SPTB: variants seen among roughly 807,000 people sequenced by gnomAD.
The protein encoded by SPTB is spectrin beta chain, erythrocytic.
A neutral mutation model predicts 256.2 loss-of-function variants in SPTB; 45 were observed. The observed-to-expected ratio is 0.18, with a 90% CI of 0.14 to 0.23. The LOEUF (loss-of-function observed/expected upper bound fraction) is 0.23, where lower values mean the gene tolerates loss of function less well. Ranked by LOEUF, SPTB falls within the 10% of genes least tolerant of loss-of-function variation. The probability of loss-of-function intolerance (pLI) is 1.00; values close to 1 mark genes in which losing one functional copy is unlikely to be tolerated. For missense variants in SPTB, 2,715 were observed against 3,040.4 expected, an observed-to-expected ratio of 0.89 and a Z score of 2.52; for synonymous variants, 1,231 against 1,243.1, an observed-to-expected ratio of 0.99 and a Z score of 0.21.
chr14:64,877,317 ATTAC>A (rs1332552268), intron 1 of SPTB, among the ~76,000 whole-genome samples: 1 of 152,174 alleles, frequency 6.6e-6, no homozygotes, highest in Non-Finnish European at 1.5e-5. Flanking sequence ...AAGCAGAACT[ATTAC>A]CTGAGGTCCT....
In SPTB at chr14:64,839,206, A is replaced by G. The variant is rs539925795; in HGVS notation, c.-51-16061T>C. 4.6e-5 allele frequency among the ~76,000 whole-genome samples: 7 copies of G among 152,282 alleles called. No homozygotes were observed. The South Asian group carries it at 1.4e-3, about 32-fold the overall frequency. ...ACTAAAAATTGGAAACAATAGATAA[A>G]CCGATTGTGGTACACTTACAAAACG... On this transcript the variant is annotated intron_variant, in intron 1 of 35. Coordinates refer to ENST00000644917, the MANE Select transcript of SPTB (RefSeq NM_001355436.2).
At chr14:64,870,353 C>T (rs1882456840) in intron 1 of SPTB, among the ~76,000 whole-genome samples, 1 of 152,024 alleles carries the variant, frequency 6.6e-6, no homozygotes, top group South Asian at 2.1e-4. Context: ...GTTCTTCACC[C>T]AAGGGCAAAC....
At chr14:64,787,829 A>G (rs2082600933) in intron 15 of SPTB, among the ~76,000 whole-genome samples, 1 of 152,238 alleles carries the variant, frequency 6.6e-6, no homozygotes, top group East Asian at 1.9e-4. Context: ...AGTCTGCAGT[A>G]CACGATAAGC....
rs1394458962 is a variant in SPTB at position 64,841,920 on chromosome 14, T to C, written c.-51-18775A>G. 1.3e-5 allele frequency among the ~76,000 whole-genome samples: 2 copies of C among 152,210 alleles called. No homozygotes were observed. The highest frequency in any genetic ancestry group is 2.9e-5 in the Non-Finnish European group (2 of 68,034). ...CTGTTAAAGAGCGCGGCAAATGTTA[T>C]CTGGAAGCAGCCGGGACAAGAGCAC... On this transcript the variant is annotated intron_variant, in intron 1 of 35. Transcript: ENST00000644917. The surrounding 1 kb of genome is among the most constrained non-coding windows in gnomAD (Gnocchi z 4.6).
At chr14:64,810,594 C>G (rs1382330448) in intron 2 of SPTB, among the ~76,000 whole-genome samples, 1 of 152,064 alleles carries the variant, frequency 6.6e-6, no homozygotes, top group Non-Finnish European at 1.5e-5. Context: ...GCATGAGAAT[C>G]GCTTGAACTT....
At position 64,877,030 on chromosome 14, in the gene SPTB, C is replaced by A. The variant is rs1022306344; in HGVS notation, c.-52+2762G>T. On this transcript the variant is annotated intron_variant, in intron 1 of 35. Coordinates refer to ENST00000644917, the MANE Select transcript of SPTB (RefSeq NM_001355436.2). ...GTTCAGTGACCTCCAGAATCCCTTC[C>A]CTCTCCAATAGTGTTTGCCTCATGA... Among the ~76,000 whole-genome samples the A allele has an allele frequency of 7.9e-5, 12 of 152,176 alleles. No individual in the cohort carries two copies. The South Asian group carries it at 2.1e-3, about 26-fold the overall frequency.
chr14:64,802,030 T>G lies in SPTB; in HGVS notation c.566+196A>C, dbSNP rs34998268. On this transcript the variant is annotated intron_variant, in intron 5 of 35. Transcript: ENST00000644917. This position sits in a 1 kb window ranked among gnomAD's most constrained non-coding sequence, Gnocchi z 5.1. ...TGAACACCACACAGACCCCCCAGTC[T>G]GCCTGCAGGCAACTTTGGAAAAGAA... Among the ~76,000 whole-genome samples, 1 of 152,224 alleles carries G rather than the reference T, an allele frequency of 6.6e-6. No homozygotes were observed. Among genetic ancestry groups the G allele is most frequent in the South Asian group, 2.1e-4 (1 of 4,826 alleles).
intron 9 of SPTB, among the ~76,000 whole-genome samples, chr14:64,799,210 T>A (rs1484163333): frequency 1.3e-5 from 2 of 152,240 alleles, no homozygotes; most frequent in Non-Finnish European, 2.9e-5. Flanking sequence ...GTTGTTTGCA[T>A]GCACATGTGT....
At chr14:64,781,958 G>A (rs1282843891) in intron 20 of SPTB, among the ~76,000 whole-genome samples, 1 of 152,210 alleles carries the variant, frequency 6.6e-6, no homozygotes, top group Non-Finnish European at 1.5e-5. Flanking sequence ...GCAAACTGAT[G>A]CAGAAACAGA....
chr14:64,810,926 G>A lies in SPTB; in HGVS notation c.149-5836C>T, dbSNP rs545285577. On this transcript the variant is annotated intron_variant, in intron 2 of 35. Transcript: ENST00000644917. ...AGGCCAGGAGTTTGAGACTAGCCTG[G>A]CAATATAACAAGGTTGCATCTCTAC... is the stretch of plus-strand genomic sequence containing the variant. Among the ~76,000 whole-genome samples the A allele has an allele frequency of 3.4e-4, 52 of 152,220 alleles. No homozygotes were observed. In the South Asian group the frequency reaches 0.01, roughly 30 times the overall value.
intron 1 of SPTB, among the ~76,000 whole-genome samples, chr14:64,863,197 C>T (rs1881960906): frequency 6.6e-6 from 1 of 152,150 alleles, no homozygotes; most frequent in South Asian, 2.1e-4. Context: ...CCAATCTTGG[C>T]TTCCTGTAGA....
At chr14:64,874,449 C>G (rs531495023) in intron 1 of SPTB, among the ~76,000 whole-genome samples, 1 of 152,216 alleles carries the variant, frequency 6.6e-6, no homozygotes, top group East Asian at 1.9e-4. Flanking sequence ...AATGTCTGCT[C>G]TTTTTGAATA....
Position 64,750,028 on chromosome 14 carries a change from AC to A in SPTB, c.6728del (p.Cys2243LeufsTer16). The A allele has an allele frequency of 6.2e-7, 1 of 1,614,166 alleles. No homozygotes were observed. The highest frequency in any genetic ancestry group is 8.5e-7 in the Non-Finnish European group (1 of 1,180,010). Reference sequence around the variant, plus strand: ...TCTTCTTGTAGTTGGCAGCAATCTCACAGATGGCATGTCTCAGGGCCAGGGG... The same window carrying A: ...TCTTCTTGTAGTTGGCAGCAATCTCAAGATGGCATGTCTCAGGGCCAGGGG... ...EEPLALRHAICEIAANYKKKK... is the reference protein window; with the variant it reads ...EEPLALRHAIXEIAANYKKKK... On this transcript the variant is annotated frameshift_variant, in exon 34 of 36. Transcript: ENST00000644917. LOFTEE classifies it high-confidence loss of function.
At position 64,772,787 on chromosome 14, in the gene SPTB, G is replaced by A. The variant is rs1267340314; in HGVS notation, c.5346C>T (p.Leu1782=). 2 of 1,613,888 alleles carry A rather than the reference G, an allele frequency of 1.2e-6. No homozygotes were observed. Among genetic ancestry groups the A allele is most frequent in the Non-Finnish European group, 1.7e-6 (2 of 1,180,042 alleles). The change falls in exon 26 of 36, where the codon CTC becomes CTT. Residue 1782 remains leucine (L), a synonymous_variant. Transcript: ENST00000644917. The surrounding 1 kb of genome is among the most constrained non-coding windows in gnomAD (Gnocchi z 5.4). ...GCATGCGCGTGTCAATGAGCTCCAGGAGGTCTGCCCACATCTCGTTCAGCC... is the reference window on the plus strand; with the variant it reads ...GCATGCGCGTGTCAATGAGCTCCAGAAGGTCTGCCCACATCTCGTTCAGCC... The part of the protein sequence containing the change: ...KDGLNEMWAD[L]LELIDTRMQL...
chr14:64,845,369 C>A lies in SPTB; in HGVS notation c.-51-22224G>T, dbSNP rs1174538579. Among the ~76,000 whole-genome samples, 1 of 152,232 alleles carries A rather than the reference C, an allele frequency of 6.6e-6. No individual in the cohort carries two copies. Among genetic ancestry groups the A allele is most frequent in the Admixed American group, 6.5e-5 (1 of 15,286 alleles). Reference sequence around the variant, plus strand: ...AAAGCTCATGAATACAGAACAGATACTGGCTGTGTGGCACAAGTGGCTGTG... The same window carrying A: ...AAAGCTCATGAATACAGAACAGATAATGGCTGTGTGGCACAAGTGGCTGTG... On this transcript the variant is annotated intron_variant, in intron 1 of 35. Transcript: ENST00000644917. The surrounding 1 kb of genome is among the most constrained non-coding windows in gnomAD (Gnocchi z 4.8).
At position 64,866,070 on chromosome 14, in the gene SPTB, C is replaced by T. The variant is rs1170347529; in HGVS notation, c.-52+13722G>A. Among the ~76,000 whole-genome samples the T allele has an allele frequency of 2.0e-5, 3 of 152,168 alleles. No homozygotes were observed. Among genetic ancestry groups the T allele is most frequent in the African/African-American group, 7.2e-5 (3 of 41,434 alleles). Reference sequence around the variant, plus strand: ...CAGAGACCATGGTGTGGCTAAAATACCACAAAGTAAAACATCTATGAAATG... The same window carrying T: ...CAGAGACCATGGTGTGGCTAAAATATCACAAAGTAAAACATCTATGAAATG... On this transcript the variant is annotated intron_variant, in intron 1 of 35. Transcript: ENST00000644917. This position sits in a 1 kb window ranked among gnomAD's most constrained non-coding sequence, Gnocchi z 4.6.
intron 1 of SPTB, among the ~76,000 whole-genome samples, chr14:64,835,390 C>T (rs2139737321): frequency 6.6e-6 from 1 of 152,314 alleles, no homozygotes; most frequent in East Asian, 1.9e-4. Context: ...GGATTACAGG[C>T]ACTCGCCACC....
Position 64,800,932 on chromosome 14 carries a change from GT to G in SPTB, c.764-65del, listed in dbSNP as rs368149390. Reference sequence around the variant, plus strand: ...AAGTCGGGAAAGTCAGGCTCAGAGGGTTTATTCCCCATTCCTCCAGCATCAA... The same window carrying G: ...AAGTCGGGAAAGTCAGGCTCAGAGGGTTATTCCCCATTCCTCCAGCATCAA... On this transcript the variant is annotated intron_variant, in intron 7 of 35. Coordinates refer to ENST00000644917, the MANE Select transcript of SPTB (RefSeq NM_001355436.2). The G allele has an allele frequency of 3.4e-5, 44 of 1,279,986 alleles. No individual in the cohort carries two copies. In the African/African-American group the frequency reaches 5.4e-4, roughly 16 times the overall value. The allele number at this position is 1,279,986 out of a possible 1,614,324, so 79.3% of individuals were successfully genotyped here. A position where few individuals can be genotyped will look rare whatever the true frequency, so the allele number is the denominator to read the frequency against.
At position 64,853,920 on chromosome 14, in the gene SPTB, G is replaced by A. The variant is rs765585544; in HGVS notation, c.-52+25872C>T. ...TAGATACTTATCACTGGCCAGCCGC[G>A]GTGGCTCACGCCTGTAATCCCAGTA... On this transcript the variant is annotated intron_variant, in intron 1 of 35. Transcript: ENST00000644917. This position sits in a 1 kb window ranked among gnomAD's most constrained non-coding sequence, Gnocchi z 4.3. 7.9e-5 allele frequency among the ~76,000 whole-genome samples: 12 copies of A among 152,086 alleles called. No individual in the cohort carries two copies. The highest frequency in any genetic ancestry group is 2.0e-4 in the Admixed American group (3 of 15,278).
Sources: gnomAD v4.1 joint callset for allele counts (sites outside exome capture counted in the v4.1 genomes callset) on GRCh38, gnomAD v4.1.1 for gene constraint, Gnocchi (gnomAD v3.1) non-coding constraint, MANE v1.5 for transcripts, NCBI Gene and HGNC (gene_info 2026-07-23, HGNC 2026-07-21) for gene names.